The following RCOR1 variants were observed in gnomAD, a reference collection of about 807,000 sequenced individuals.
RCOR1 encodes the protein REST corepressor.
RCOR1 carries 12 observed loss-of-function variants against 64.0 expected under a neutral mutation model. That is an observed-to-expected ratio of 0.19 (90% confidence interval 0.12 to 0.30). The LOEUF (loss-of-function observed/expected upper bound fraction) is 0.30, where lower values mean the gene tolerates loss of function less well. Ranked by LOEUF, RCOR1 falls within the 10% of genes least tolerant of loss-of-function variation. The pLI, the probability that RCOR1 is intolerant of heterozygous loss-of-function variation, is 1.00. For missense variants in RCOR1, 502 were observed against 621.2 expected, an observed-to-expected ratio of 0.81 and a Z score of 2.04; for synonymous variants, 279 against 227.2, an observed-to-expected ratio of 1.23 and a Z score of -2.05.
At chr14:102,626,474 C>T (rs1893984756) in intron 2 of RCOR1, among the ~76,000 whole-genome samples, 1 of 152,204 alleles carries the variant, frequency 6.6e-6, no homozygotes, top group Middle Eastern at 3.2e-3. Flanking sequence ...AGAATCATGG[C>T]ACCTCTCAGA....
chr14:102,616,709 G>T (rs751877314), intron 2 of RCOR1, among the ~76,000 whole-genome samples: 6 of 152,132 alleles, frequency 3.9e-5, no homozygotes, highest in Non-Finnish European at 8.8e-5. Flanking sequence ...ACATGGCTGT[G>T]CTTCTCTTTA....
At chr14:102,681,413 A>G (rs1285091372) in intron 2 of RCOR1, among the ~76,000 whole-genome samples, 2 of 152,180 alleles carry the variant, frequency 1.3e-5, no homozygotes, top group Admixed American at 6.5e-5. Context: ...TTGGCCTACT[A>G]TTTTGCAAAA....
intron 2 of RCOR1, chr14:102,662,343 G>A (rs1894840730): frequency 1.1e-5 from 6 of 566,186 alleles, no homozygotes; most frequent in Admixed American, 1.9e-5. Flanking sequence ...GGTGTTGACC[G>A]GGCCACATCA....
In RCOR1 at chr14:102,592,804, C is replaced by T; in HGVS notation, c.-83C>T. 1.7e-6 allele frequency: 2 copies of T among 1,177,416 alleles called. No homozygotes were observed. The highest frequency in any genetic ancestry group is 2.1e-6 in the Non-Finnish European group (2 of 953,090). 72.9% of individuals were successfully genotyped at this position (1,177,416 alleles called of 1,614,324 possible). A position where few individuals can be genotyped will look rare whatever the true frequency, so the allele number is the denominator to read the frequency against. ...CGCGCCCGCCCGGCCCCGCGCCGGC[C>T]CCGCGCCCCCTCCCCCGTCTCGGCG... On this transcript the variant is annotated 5_prime_UTR_variant, in exon 1 of 12. Coordinates refer to ENST00000262241, the MANE Select transcript of RCOR1 (RefSeq NM_015156.4).
intron 2 of RCOR1, chr14:102,657,236 G>A (rs1177589601): frequency 1.0e-6 from 1 of 985,242 alleles, no homozygotes; most frequent in Non-Finnish European, 1.2e-6. Context: ...TGTGTGCTTA[G>A]TGTCAGTGCA....
At chr14:102,661,216 T>C (rs12100852) in intron 2 of RCOR1, among the ~76,000 whole-genome samples, 22,776 of 151,980 alleles carry the variant, frequency 0.15, 2,319 homozygotes, top group African/African-American at 0.28. Context: ...GGCGTGATGG[T>C]GGGTACCTGT....
At chr14:102,674,090 T>C (rs1895088823) in intron 2 of RCOR1, among the ~76,000 whole-genome samples, 1 of 152,170 alleles carries the variant, frequency 6.6e-6, no homozygotes, top group East Asian at 1.9e-4. Flanking sequence ...TTGGTTTATG[T>C]AGTTGTAGGG....
intron 2 of RCOR1, among the ~76,000 whole-genome samples, chr14:102,656,700 T>C (rs561300343): frequency 1.7e-4 from 26 of 151,956 alleles, no homozygotes; most frequent in South Asian, 2.1e-4. Flanking sequence ...AACTTCTGAC[T>C]CAAGCGATCT....
At chr14:102,637,040 A>T (rs1894256167) in intron 2 of RCOR1, among the ~76,000 whole-genome samples, 1 of 152,276 alleles carries the variant, frequency 6.6e-6, no homozygotes, top group South Asian at 2.1e-4. Context: ...GCCTTTTGAC[A>T]TAGACTTTGT....
intron 2 of RCOR1, among the ~76,000 whole-genome samples, chr14:102,635,076 C>CAG (rs1894208848): frequency 6.6e-6 from 1 of 152,042 alleles, no homozygotes; most frequent in South Asian, 2.1e-4. Context: ...TCAAGCAGTC[C>CAG]TCCTGCCTTG....
chr14:102,674,725 C>T (rs1895103991), intron 2 of RCOR1, among the ~76,000 whole-genome samples: 1 of 152,076 alleles, frequency 6.6e-6, no homozygotes, highest in East Asian at 1.9e-4. Flanking sequence ...TCCTTGTAGA[C>T]CTAATTATTC....
At position 102,706,141 on chromosome 14, in the gene RCOR1, A is replaced by C. The variant is rs1484452647; in HGVS notation, c.499-1210A>C. 4.7e-5 allele frequency among the ~76,000 whole-genome samples: 7 copies of C among 148,898 alleles called. No homozygotes were observed. The East Asian group carries it at 7.8e-4, about 17-fold the overall frequency. Reference sequence around the variant, plus strand: ...AAAAAAAAAAAAAAAAAAAAAAAAAAACCTAAAAAAACAGTAATTCAGGAA... The same window carrying C: ...AAAAAAAAAAAAAAAAAAAAAAAAACACCTAAAAAAACAGTAATTCAGGAA... On this transcript the variant is annotated intron_variant, in intron 4 of 11. Transcript: ENST00000262241.
intron 2 of RCOR1, among the ~76,000 whole-genome samples, chr14:102,644,860 A>G (rs1307869070): frequency 6.6e-6 from 1 of 152,302 alleles, no homozygotes; most frequent in Non-Finnish European, 1.5e-5. Context: ...GTGCCTGGGA[A>G]TGATTGTTTC....
chr14:102,696,133 C>T (rs1595234730), intron 3 of RCOR1, among the ~76,000 whole-genome samples: 1 of 152,050 alleles, frequency 6.6e-6, no homozygotes, highest in East Asian at 1.9e-4. Flanking sequence ...CCATACTGTC[C>T]TACATCTGTG....
At chr14:102,723,621 T>C (rs1450162516) in intron 11 of RCOR1, among the ~76,000 whole-genome samples, 2 of 152,254 alleles carry the variant, frequency 1.3e-5, no homozygotes, top group African/African-American at 2.4e-5. Context: ...ATGGTGTTTT[T>C]ATCTTTCAGC....
At chr14:102,618,602 G>A (rs1427550114) in intron 2 of RCOR1, among the ~76,000 whole-genome samples, 2 of 152,130 alleles carry the variant, frequency 1.3e-5, no homozygotes, top group Non-Finnish European at 2.9e-5. Context: ...CAAGAAAGTC[G>A]ACCCTGTCTC....
Position 102,726,528 on chromosome 14 carries a change from T to C in RCOR1, c.*22T>C. The C allele has an allele frequency of 6.3e-7, 1 of 1,598,326 alleles. No homozygotes were observed. The highest frequency in any genetic ancestry group is 8.5e-7 in the Non-Finnish European group (1 of 1,170,708). ...CTGAGAAACTGGTGGCTTTGAACAC[T>C]TGGTGTGGACTACTGTGTTATCCGG... On this transcript the variant is annotated 3_prime_UTR_variant, in exon 12 of 12. Coordinates refer to ENST00000262241, the MANE Select transcript of RCOR1 (RefSeq NM_015156.4).
chr14:102,698,689 G>T lies in RCOR1; in HGVS notation c.446-2589G>T, dbSNP rs548237527. On this transcript the variant is annotated intron_variant, in intron 3 of 11. Coordinates refer to ENST00000262241, the MANE Select transcript of RCOR1 (RefSeq NM_015156.4). The stretch of plus-strand genomic sequence containing the variant: ...CTCATGACCTGGTTTTTAATCAGCT[G>T]GCCTGCTGTCTGTTTCTAGGTCTGG... Among the ~76,000 whole-genome samples the T allele has an allele frequency of 4.6e-5, 7 of 152,208 alleles. No homozygotes were observed. The South Asian group carries it at 1.2e-3, about 27-fold the overall frequency.
chr14:102,606,029 G>C (rs1189882832), intron 2 of RCOR1, among the ~76,000 whole-genome samples: 2 of 152,108 alleles, frequency 1.3e-5, no homozygotes, highest in Non-Finnish European at 2.9e-5. Flanking sequence ...TGCTTCCAGT[G>C]ATTCTCCTGC....
Sources: gnomAD v4.1 joint callset for allele counts (sites outside exome capture counted in the v4.1 genomes callset) on GRCh38, gnomAD v4.1.1 for gene constraint, MANE v1.5 for transcripts, NCBI Gene and HGNC (gene_info 2026-07-23, HGNC 2026-07-21) for gene names.